The following UQCC1 variants were observed in gnomAD, a reference collection of about 807,000 sequenced individuals.
The protein encoded by UQCC1 is bFGF-repressed Zic-binding protein.
UQCC1 carries 38 observed loss-of-function variants against 48.0 expected under a neutral mutation model. The ratio of observed to expected loss-of-function variants is 0.79; its 90% CI spans 0.61 to 1.04. The LOEUF (loss-of-function observed/expected upper bound fraction) is 1.04, where lower values mean the gene tolerates loss of function less well. Ranked by LOEUF, UQCC1 falls within the 50% of genes least tolerant of loss-of-function variation. The pLI, the probability that UQCC1 is intolerant of heterozygous loss-of-function variation, is 0.00. For missense variants in UQCC1, 368 were observed against 381.8 expected, an observed-to-expected ratio of 0.96 and a Z score of 0.30; for synonymous variants, 111 against 129.2, an observed-to-expected ratio of 0.86 and a Z score of 0.95.
intron 3 of UQCC1, among the ~76,000 whole-genome samples, 156 bp downstream of exon 3, chr20:35,383,878 CACTT>C (rs1269904688): frequency 2.6e-5 from 4 of 152,104 alleles, no homozygotes; most frequent in African/African-American, 9.7e-5. Flanking sequence ...TTTTGTCTGC[CACTT>C]ACTTACCATC....
intron 8 of UQCC1, among the ~76,000 whole-genome samples, chr20:35,308,329 G>C (rs1177850520): frequency 1.3e-5 from 2 of 152,268 alleles, no homozygotes; most frequent in Admixed American, 6.5e-5. Context: ...ACAAGCTCAG[G>C]CACATCACCC....
chr20:35,409,638 G>C (rs2062313610), intron 1 of UQCC1, among the ~76,000 whole-genome samples: 1 of 152,134 alleles, frequency 6.6e-6, no homozygotes, highest in Non-Finnish European at 1.5e-5. Flanking sequence ...CCATAAGCAT[G>C]TCCAGTTCCA....
chr20:35,372,146 C>T (rs1476185445), intron 5 of UQCC1, among the ~76,000 whole-genome samples: 6 of 151,698 alleles, frequency 4.0e-5, no homozygotes, highest in African/African-American at 1.2e-4. Context: ...CTCGTCTCTA[C>T]TAAAAGTACA....
rs1025042204 is a variant in UQCC1, at chr20:35,307,132, T to A, written c.652-353A>T. ...AGTAGCAGCAATGCTCCCCCTGCTG[T>A]CCATAGCAGCAATGCTCCCCCTGCT... On this transcript the variant is annotated intron_variant, in intron 8 of 9. Coordinates refer to ENST00000374385, the MANE Select transcript of UQCC1 (RefSeq NM_018244.5). 21 of 362,308 alleles carry A rather than the reference T, an allele frequency of 5.8e-5. No homozygotes were observed. In the East Asian group the frequency reaches 7.4e-4, roughly 13 times the overall value. The allele number at this position is 362,308 out of a possible 1,614,324, so 22.4% of individuals were successfully genotyped here. A position where few individuals can be genotyped will look rare whatever the true frequency, so the allele number is the denominator to read the frequency against.
In UQCC1 at chr20:35,387,971, T is replaced by C. The variant is rs114026525; in HGVS notation, c.130-3838A>G. Among the ~76,000 whole-genome samples, 1,031 of 152,008 alleles carry C rather than the reference T, an allele frequency of 6.8e-3. 15 individuals carry two copies. Among genetic ancestry groups the C allele is most frequent in the African/African-American group, 0.024 (984 of 41,460 alleles). On this transcript the variant is annotated intron_variant, in intron 2 of 9. Coordinates refer to ENST00000374385, the MANE Select transcript of UQCC1 (RefSeq NM_018244.5). Reference sequence around the variant, plus strand: ...CTTATGTTATCTCACAACAATCTTATAAAGTATATTTTCCTATTTTTTTTT... The same window carrying C: ...CTTATGTTATCTCACAACAATCTTACAAAGTATATTTTCCTATTTTTTTTT...
intron 7 of UQCC1, among the ~76,000 whole-genome samples, chr20:35,327,139 CCTT>C (rs1319799915): frequency 4.6e-5 from 7 of 152,318 alleles, no homozygotes; most frequent in Middle Eastern, 6.8e-3. Flanking sequence ...AACAGCCCTG[CCTT>C]CTTCTTCTCC....
intron 6 of UQCC1, among the ~76,000 whole-genome samples, chr20:35,363,842 T>C (rs1188054301): frequency 6.6e-6 from 1 of 152,150 alleles, no homozygotes; most frequent in Non-Finnish European, 1.5e-5. Flanking sequence ...AATCTTGATG[T>C]GGCTATCCTT....
intron 8 of UQCC1, among the ~76,000 whole-genome samples, chr20:35,310,255 A>G (rs1167961913): frequency 6.6e-6 from 1 of 152,222 alleles, no homozygotes; most frequent in African/African-American, 2.4e-5. Flanking sequence ...TGTTAAATGG[A>G]TAATGAATAG....
chr20:35,316,187 C>T (rs1568651234), intron 7 of UQCC1, among the ~76,000 whole-genome samples: 1 of 152,168 alleles, frequency 6.6e-6, no homozygotes, highest in Non-Finnish European at 1.5e-5. Flanking sequence ...AGCCAAAAGG[C>T]ATTTGGAACT....
chr20:35,332,862 T>C (rs1019011330), intron 7 of UQCC1, among the ~76,000 whole-genome samples: 4 of 152,202 alleles, frequency 2.6e-5, no homozygotes, highest in African/African-American at 9.6e-5. Flanking sequence ...CCCACTTACC[T>C]CAAGGCATCC....
chr20:35,404,664 A>T (rs1364928751), intron 1 of UQCC1, among the ~76,000 whole-genome samples: 2 of 143,150 alleles, frequency 1.4e-5, no homozygotes, highest in Non-Finnish European at 3.0e-5. Flanking sequence ...CTTAAAGTAT[A>T]AAAAAAAAAG....
intron 3 of UQCC1, among the ~76,000 whole-genome samples, chr20:35,382,816 T>G (rs2061892464): frequency 6.6e-6 from 1 of 152,170 alleles, no homozygotes; most frequent in African/African-American, 2.4e-5. Context: ...GGCCTAATTT[T>G]CATTTTTTTA....
At chr20:35,399,989 A>C (rs1411698510) in intron 1 of UQCC1, among the ~76,000 whole-genome samples, 1 of 139,370 alleles carries the variant, frequency 7.2e-6, no homozygotes, top group Non-Finnish European at 1.5e-5. Context: ...GCAGTGGCGC[A>C]ATCTCGGCTC....
At chr20:35,307,153 C>G in intron 8 of UQCC1, 2 of 338,898 alleles carry the variant, frequency 5.9e-6, no homozygotes, top group Non-Finnish European at 1.1e-5. Flanking sequence ...AATGCTCCCC[C>G]TGCTGTCCAC....
At chr20:35,376,677 G>T (rs1017842114) in intron 4 of UQCC1, among the ~76,000 whole-genome samples, 1 of 152,106 alleles carries the variant, frequency 6.6e-6, no homozygotes, top group East Asian at 1.9e-4. Context: ...GAAATGTTAT[G>T]AAATCAGCCA....
intron 5 of UQCC1, among the ~76,000 whole-genome samples, chr20:35,367,345 ACTTTTTT>A (rs1301091692): frequency 6.6e-6 from 1 of 151,872 alleles, no homozygotes; most frequent in Non-Finnish European, 1.5e-5. Context: ...ACACTCCCTT[ACTTTTTT>A]CAGTTGGGCT....
intron 2 of UQCC1, among the ~76,000 whole-genome samples, chr20:35,388,294 T>TC (rs1451516596): frequency 9.3e-4 from 4 of 4,284 alleles, no homozygotes; most frequent in South Asian, 0.011. Flanking sequence ...TCTATTTCTT[T>TC]TTTTCTTTTT....
intron 8 of UQCC1, among the ~76,000 whole-genome samples, chr20:35,312,742 A>G (rs900797848): frequency 6.6e-6 from 1 of 152,224 alleles, no homozygotes; most frequent in Non-Finnish European, 1.5e-5. Context: ...GTTGGGGAGA[A>G]AAAAGATGAG....
chr20:35,322,628 G>A (rs1483852665), intron 7 of UQCC1, among the ~76,000 whole-genome samples: 2 of 152,082 alleles, frequency 1.3e-5, no homozygotes, highest in Non-Finnish European at 2.9e-5. Flanking sequence ...CAGCTACTCA[G>A]GAGGCTGAGG....
Sources: allele counts gnomAD v4.1 joint callset (sites outside exome capture counted in the v4.1 genomes callset), GRCh38; gene constraint gnomAD v4.1.1; transcripts MANE v1.5; gene names NCBI Gene and HGNC (gene_info 2026-07-23, HGNC 2026-07-21).